Variants in ZNF407 observed in about 807,000 individuals in gnomAD.
ZNF407 encodes zinc finger protein 407.
In ZNF407, 17 loss-of-function variants were observed where a neutral mutation model predicts 131.2. The observed-to-expected ratio is 0.13, with a 90% confidence interval of 0.09 to 0.19. The LOEUF (loss-of-function observed/expected upper bound fraction) is 0.19. ZNF407 is among the 10% of genes least tolerant of loss of function. The pLI, the probability that ZNF407 is intolerant of heterozygous loss-of-function variation, is 1.00. For missense variants in ZNF407, 2,681 were observed against 2,830.6 expected, an observed-to-expected ratio of 0.95 and a Z score of 1.20; for synonymous variants, 1,156 against 1,062.0, an observed-to-expected ratio of 1.09 and a Z score of -1.72.
At chr18:74,603,292 C>T (rs1982661961) in intron 1 of ZNF407, among the ~76,000 whole-genome samples, 1 of 152,138 alleles carries the variant, frequency 6.6e-6, no homozygotes, top group African/African-American at 2.4e-5. Flanking sequence ...AAGGAAGTCC[C>T]CCCTGCCCTT....
intron 3 of ZNF407, among the ~76,000 whole-genome samples, chr18:74,743,912 TTTA>T (rs1305500224): frequency 6.6e-6 from 1 of 152,176 alleles, no homozygotes; most frequent in East Asian, 1.9e-4. Context: ...TAGAAAAGCT[TTTA>T]TTAAATCAAT....
chr18:74,878,557 T>G (rs556851089), intron 5 of ZNF407, among the ~76,000 whole-genome samples: 2 of 152,268 alleles, frequency 1.3e-5, no homozygotes, highest in African/African-American at 4.8e-5. Context: ...TGTGGAGACT[T>G]GGCTGGATCA....
At chr18:74,608,023 C>A (rs568868387) in intron 1 of ZNF407, among the ~76,000 whole-genome samples, 1 of 152,230 alleles carries the variant, frequency 6.6e-6, no homozygotes, top group South Asian at 2.1e-4. Flanking sequence ...AGTCAATAAT[C>A]CCTCCCTTTT....
In ZNF407 at chr18:74,881,021, T is replaced by A; in HGVS notation, c.5045-15T>A. The A allele has an allele frequency of 1.3e-6, 2 of 1,586,454 alleles. No individual in the cohort carries two copies. Among genetic ancestry groups the A allele is most frequent in the African/African-American group, 1.3e-5 (1 of 74,614 alleles). On this transcript the variant is annotated splice_polypyrimidine_tract_variant and intron_variant, in intron 5 of 8. Transcript: ENST00000299687. ...GTGACCTCCGCAGTCCCTCATCTGTTTGTTGTTGCAACAGGCGAGAAGTCG... is the reference window on the plus strand; with the variant it reads ...GTGACCTCCGCAGTCCCTCATCTGTATGTTGTTGCAACAGGCGAGAAGTCG...
At chr18:74,963,334 G>T (rs1457206721) in intron 8 of ZNF407, among the ~76,000 whole-genome samples, 1 of 152,058 alleles carries the variant, frequency 6.6e-6, no homozygotes, top group Non-Finnish European at 1.5e-5. Context: ...AATAACTTTG[G>T]AAGTGATTAC....
chr18:75,046,643 G>A (rs762556942), intron 8 of ZNF407, among the ~76,000 whole-genome samples: 59 of 152,166 alleles, frequency 3.9e-4, no homozygotes, highest in Non-Finnish European at 7.1e-4. Context: ...AGGTCCATGC[G>A]GAATGAACAG....
chr18:75,008,990 A>G (rs1972943132), intron 8 of ZNF407, among the ~76,000 whole-genome samples: 1 of 152,124 alleles, frequency 6.6e-6, no homozygotes, highest in South Asian at 2.1e-4. Flanking sequence ...TCAAACACTT[A>G]TCTTCTTCCA....
chr18:74,821,614 G>T (rs1009471093), intron 4 of ZNF407, among the ~76,000 whole-genome samples: 1 of 152,074 alleles, frequency 6.6e-6, no homozygotes, highest in Non-Finnish European at 1.5e-5. Context: ...CATTTTTTAT[G>T]GCTGCATAGT....
At chr18:74,765,770 C>G (rs1295461291) in intron 3 of ZNF407, among the ~76,000 whole-genome samples, 1 of 152,200 alleles carries the variant, frequency 6.6e-6, no homozygotes, top group African/African-American at 2.4e-5. Context: ...TCCCTGTGTT[C>G]TCCTAGCTGC....
chr18:74,962,319 A>G (rs1203381628), intron 8 of ZNF407, among the ~76,000 whole-genome samples: 10 of 152,242 alleles, frequency 6.6e-5, no homozygotes, highest in Non-Finnish European at 1.5e-5. Context: ...AACTGTAAGT[A>G]TCTTCACAAC....
In ZNF407 at chr18:74,797,968, G is replaced by A. The variant is rs555768279; in HGVS notation, c.4877+16466G>A. ...CGTAAAGACCAGCAGGAGGGATCAA[G>A]GTGAGAGTTCTGGAATAGTGTACAT... On this transcript the variant is annotated intron_variant, in intron 4 of 8. Transcript: ENST00000299687. Among the ~76,000 whole-genome samples the A allele has an allele frequency of 3.9e-5, 6 of 152,214 alleles. No individual in the cohort carries two copies. In the South Asian group the frequency reaches 1.0e-3, roughly 26 times the overall value.
At chr18:74,667,620 G>A (rs1344780643) in intron 3 of ZNF407, among the ~76,000 whole-genome samples, 2 of 152,132 alleles carry the variant, frequency 1.3e-5, no homozygotes, top group South Asian at 2.1e-4. Context: ...TAGGATAAGC[G>A]ACATGACCAA....
intron 3 of ZNF407, among the ~76,000 whole-genome samples, chr18:74,664,486 C>G (rs939141054): frequency 2.0e-5 from 3 of 152,152 alleles, no homozygotes; most frequent in African/African-American, 7.2e-5. Context: ...CGGAGTGAGA[C>G]TCCGTCTCAA....
intron 4 of ZNF407, among the ~76,000 whole-genome samples, chr18:74,829,963 A>AT (rs1970460276): frequency 6.6e-6 from 1 of 152,130 alleles, no homozygotes; most frequent in African/African-American, 2.4e-5. Flanking sequence ...AGTGGTAAAT[A>AT]TAGTAGGTTC....
At chr18:74,745,385 A>T (rs1402470900) in intron 3 of ZNF407, among the ~76,000 whole-genome samples, 4 of 152,152 alleles carry the variant, frequency 2.6e-5, no homozygotes, top group African/African-American at 9.7e-5. Context: ...CAAAAAAAAA[A>T]ATATTCTCAA....
rs62089910 is a variant in ZNF407, at chr18:74,854,063, G to T, written c.4878-23134G>T. ...TGGTTTGCGAATGTCTGGCGGATGA[G>T]TGAGGGGGCCCAGCCTCTCTGACTG... is the stretch of plus-strand genomic sequence containing the variant. On this transcript the variant is annotated intron_variant, in intron 4 of 8. Transcript: ENST00000299687. Among the ~76,000 whole-genome samples the T allele has an allele frequency of 2.1e-3, 314 of 152,290 alleles. 1 individual carries two copies. The highest frequency in any genetic ancestry group is 3.5e-3 in the Non-Finnish European group (237 of 68,030).
intron 8 of ZNF407, chr18:75,060,186 T>C (rs541599722): frequency 2.0e-5 from 3 of 152,384 alleles, no homozygotes; most frequent in East Asian, 3.9e-4. Context: ...CGTTTAATGC[T>C]ACCCAGTTGT....
intron 3 of ZNF407, among the ~76,000 whole-genome samples, chr18:74,768,285 A>G (rs558408227): frequency 1.0e-3 from 155 of 152,282 alleles, no homozygotes; most frequent in Middle Eastern, 3.4e-3. Flanking sequence ...GTTTAGGCTC[A>G]GCTATTCCTA....
intron 8 of ZNF407, among the ~76,000 whole-genome samples, chr18:74,957,405 G>A (rs1029373381): frequency 6.6e-6 from 1 of 151,978 alleles, no homozygotes; most frequent in African/African-American, 2.4e-5. Flanking sequence ...AACTTACGGG[G>A]TTTTTTGGAA....
Sources: allele counts gnomAD v4.1 joint callset (sites outside exome capture counted in the v4.1 genomes callset), GRCh38; gene constraint gnomAD v4.1.1; transcripts MANE v1.5; gene names NCBI Gene and HGNC (gene_info 2026-07-23, HGNC 2026-07-21).